PITPNM1: variants seen among roughly 807,000 people sequenced by gnomAD.
PITPNM1 encodes phosphatidylinositol transfer protein membrane associated 1.
PITPNM1 carries 74 observed loss-of-function variants against 133.3 expected under a neutral mutation model. The ratio of observed to expected loss-of-function variants is 0.56; its 90% CI spans 0.46 to 0.67. The LOEUF is 0.67. PITPNM1 is among the 30% of genes least tolerant of loss of function. PITPNM1 has a pLI of 0.00. For missense variants in PITPNM1, 1,398 were observed against 1,739.5 expected, an observed-to-expected ratio of 0.80 and a Z score of 3.49; for synonymous variants, 738 against 741.4, an observed-to-expected ratio of 1.00 and a Z score of 0.08.
At chr11:67,497,855 A>C in intron 12 of PITPNM1, 62 bp downstream of exon 12, 1 of 1,526,034 alleles carries the variant, frequency 6.6e-7, no homozygotes, top group South Asian at 1.1e-5. Context: ...TCCAGGGGGC[A>C]GAGACCTAGA....
rs767856294 is a variant in PITPNM1, at chr11:67,502,713, C to T, written c.84G>A (p.Lys28=). ...CCTCACCACTAGACTCCTCCCGGCT[C>T]TTTTTCTGTGGCCCAAGGGAGAGCA... ...QVAQLYMIQK[K]SREESSGEGS... is the part of the protein sequence containing the mutation. Residue 28 remains lysine, a synonymous_variant, in exon 3 of 24, where the codon AAG becomes AAA. Transcript: ENST00000356404. The surrounding 1 kb of genome is among the most constrained non-coding windows in gnomAD (Gnocchi z 5.9). 1.9e-5 allele frequency: 31 copies of T among 1,612,116 alleles called. No individual in the cohort carries two copies. The South Asian group carries it at 3.4e-4, about 18-fold the overall frequency.
At chr11:67,493,087 C>T (rs1275840860) in intron 22 of PITPNM1, 25 bp from the exon 23 acceptor site, 2 of 1,612,288 alleles carry the variant, frequency 1.2e-6, no homozygotes, top group Non-Finnish European at 1.7e-6. Flanking sequence ...GCCAATCAGC[C>T]GCCCCAGGGG....
In PITPNM1 at chr11:67,497,240, C is replaced by A; in HGVS notation, c.2137G>T (p.Ala713Ser). The part of the protein sequence containing the change: ...VLALRKTVMP[A>S]LEAAQMRPAC... ...AGCCCCTAGGACTCACCCTCCAGGG[C>A]GGGCATCACAGTTTTGCGCAGAGCC... is the stretch of plus-strand genomic sequence containing the variant. The change falls in exon 14 of 24, where the codon GCC becomes TCC. Residue 713 changes from alanine (A) to serine (S), a missense_variant. Physicochemically the swap from Ala to Ser is moderately conservative, Grantham distance 99 (BLOSUM62 1). Around this residue, in one of 5 missense-constraint regions of PITPNM1, gnomAD observed 574 missense variants for 698.7 expected, o/e 0.82. Transcript: ENST00000356404. 6.2e-7 allele frequency: 1 copy of A among 1,606,190 alleles called. No individual in the cohort carries two copies. Among genetic ancestry groups the A allele is most frequent in the Non-Finnish European group, 8.5e-7 (1 of 1,175,670 alleles).
At chr11:67,493,147 C>G (rs1865989891) in intron 22 of PITPNM1, 85 bp from the exon 23 acceptor site, 1 of 1,538,804 alleles carries the variant, frequency 6.5e-7, no homozygotes, top group African/African-American at 1.4e-5. Flanking sequence ...CCAGATTGTT[C>G]TGGGGGTGGG....
Position 67,501,919 on chromosome 11 carries a change from C to A in PITPNM1, c.583G>T (p.Val195Phe). 1 of 1,613,588 alleles carries A rather than the reference C, an allele frequency of 6.2e-7. No homozygotes were observed. Among genetic ancestry groups the A allele is most frequent in the Non-Finnish European group, 8.5e-7 (1 of 1,180,028 alleles). The change falls in exon 5 of 24, where the codon GTT becomes TTT. Residue 195 changes from valine (V) to phenylalanine (F), a missense_variant. Physicochemically the swap from Val to Phe is conservative, Grantham distance 50. Around this residue, in one of 5 missense-constraint regions of PITPNM1, gnomAD observed 274 missense variants for 360.7 expected, o/e 0.76. Transcript: ENST00000356404. ...TGCATGCCCCAGTAGCGGAACTCAA[C>A]CTTGCACAGCTTATAGGCACACATA... Reference protein sequence around the residue: ...PLMCAYKLCKVEFRYWGMQAK... With the variant: ...PLMCAYKLCKFEFRYWGMQAK...
In PITPNM1 at chr11:67,498,340, G is replaced by A. The variant is rs1378779070; in HGVS notation, c.1485-18C>T. 6.5e-7 allele frequency: 1 copy of A among 1,537,216 alleles called. No individual in the cohort carries two copies. On this transcript the variant is annotated intron_variant, in intron 10 of 23. Coordinates refer to ENST00000356404, the MANE Select transcript of PITPNM1 (RefSeq NM_004910.3). This position sits in a 1 kb window ranked among gnomAD's most constrained non-coding sequence, Gnocchi z 5.7. ...GGCTCAGGCTGTAGGAGGGGGAAAT[G>A]TGCGTGGGTGAGGGGCTTCCAGACC...
In PITPNM1 at chr11:67,494,358, G is replaced by C; in HGVS notation, c.2745C>G (p.Asn915Lys). ...CGCTCGCCCGGTGGTTGGAAGTGAC[G>C]TTCTAGAGGGAGGAGAGGGCGTGAG... ...QRKRTQVKIR[N>K]VTSNHRASDT... is the part of the protein sequence containing the mutation. Residue 915 changes from asparagine to lysine, a missense_variant and splice_region_variant, in exon 19 of 24, where the codon AAC (asparagine) becomes AAG (lysine). Physicochemically the swap from Asn to Lys is moderately conservative, Grantham distance 94. Around this residue, in one of 5 missense-constraint regions of PITPNM1, gnomAD observed 233 missense variants for 378.0 expected, o/e 0.62. Coordinates refer to ENST00000356404, the MANE Select transcript of PITPNM1 (RefSeq NM_004910.3). The C allele has an allele frequency of 6.3e-7, 1 of 1,598,152 alleles. No individual in the cohort carries two copies. The highest frequency in any genetic ancestry group is 8.5e-7 in the Non-Finnish European group (1 of 1,172,198).
At position 67,498,993 on chromosome 11, in the gene PITPNM1, C is replaced by CAGG; in HGVS notation, c.1179_1180insCCT (p.Gly393_Ala394insPro). ...TCCTCAATGCCTTTAGCTGCCTCGG[C>CAGG]TCCAGGCTCTGCAGGGCAACGAAGC... On this transcript the variant is annotated inframe_insertion, in exon 9 of 24. Coordinates refer to ENST00000356404, the MANE Select transcript of PITPNM1 (RefSeq NM_004910.3). The surrounding 1 kb of genome is among the most constrained non-coding windows in gnomAD (Gnocchi z 5.7). The CAGG allele has an allele frequency of 6.2e-7, 1 of 1,611,714 alleles. No individual in the cohort carries two copies. The highest frequency in any genetic ancestry group is 8.5e-7 in the Non-Finnish European group (1 of 1,179,236).
rs753871759 is a variant in PITPNM1, at chr11:67,492,238, T to C, written c.3530A>G (p.His1177Arg). Residue 1177 changes from histidine to arginine, a missense_variant, in exon 24 of 24, where the codon CAT (histidine) becomes CGT (arginine). His to Arg is a conservative substitution (Grantham distance 29). Transcript: ENST00000356404. ...LGQLEAGSHSHASSGPPRAAL... is the reference protein window; with the variant it reads ...LGQLEAGSHSRASSGPPRAAL... Reference sequence around the variant, plus strand: ...AGCTCTCGGGGGTCCCGAGGAGGCATGCGAGTGCGAGCCCGCTTCCAGCTG... The same window carrying C: ...AGCTCTCGGGGGTCCCGAGGAGGCACGCGAGTGCGAGCCCGCTTCCAGCTG... 2 of 1,599,404 alleles carry C rather than the reference T, an allele frequency of 1.3e-6. No individual in the cohort carries two copies. Among genetic ancestry groups the C allele is most frequent in the Admixed American group, 1.7e-5 (1 of 58,914 alleles).
chr11:67,495,420 C>T lies in PITPNM1; in HGVS notation c.2482+18G>A. 1 of 1,488,228 alleles carries T rather than the reference C, an allele frequency of 6.7e-7. No homozygotes were observed. Among genetic ancestry groups the T allele is most frequent in the Non-Finnish European group, 9.0e-7 (1 of 1,115,164 alleles). The allele number at this position is 1,488,228 out of a possible 1,614,324, so 92.2% of individuals were successfully genotyped here. A position where few individuals can be genotyped will look rare whatever the true frequency, so the allele number is the denominator to read the frequency against. On this transcript the variant is annotated intron_variant, in intron 16 of 23. Transcript: ENST00000356404. Reference sequence around the variant, plus strand: ...CTCCCCCACCCCCAGGCTGGACTGCCTAGGCTGGCTGACTTACTCTTAACC... The same window carrying T: ...CTCCCCCACCCCCAGGCTGGACTGCTTAGGCTGGCTGACTTACTCTTAACC...
Position 67,493,595 on chromosome 11 carries a change from T to G in PITPNM1, c.3159-2A>C. 1 of 1,547,516 alleles carries G rather than the reference T, an allele frequency of 6.5e-7. No homozygotes were observed. The highest frequency in any genetic ancestry group is 8.7e-7 in the Non-Finnish European group (1 of 1,144,704). On this transcript the variant is annotated splice_acceptor_variant, in intron 21 of 23. Coordinates refer to ENST00000356404, the MANE Select transcript of PITPNM1 (RefSeq NM_004910.3). LOFTEE classifies it high-confidence loss of function. Reference sequence around the variant, plus strand: ...AGGTAGCCGGAGTCCTGCCAGTGCCTGTGGGGCGGGGGCAGCGGTCAGCTC... The same window carrying G: ...AGGTAGCCGGAGTCCTGCCAGTGCCGGTGGGGCGGGGGCAGCGGTCAGCTC...
chr11:67,493,085 G>T (rs1865986481), intron 22 of PITPNM1, 23 bp from the exon 23 acceptor site: 1 of 1,612,330 alleles, frequency 6.2e-7, no homozygotes, highest in Non-Finnish European at 8.5e-7. Flanking sequence ...ATGCCAATCA[G>T]CCGCCCCAGG....
Position 67,497,914 on chromosome 11 carries a change from G to A in PITPNM1, c.1782+3C>T. The stretch of plus-strand genomic sequence containing the variant: ...TGAGGAGGCCGGGTTTGGCTATACT[G>A]ACCATGCTCCCACGGCGGCTGCTGC... On this transcript the variant is annotated splice_donor_region_variant and intron_variant, in intron 12 of 23. Transcript: ENST00000356404. The A allele has an allele frequency of 6.2e-7, 1 of 1,610,182 alleles. No individual in the cohort carries two copies. Among genetic ancestry groups the A allele is most frequent in the South Asian group, 1.1e-5 (1 of 91,018 alleles).
At position 67,492,017 on chromosome 11, in the gene PITPNM1, C is replaced by T. The variant is rs1366106524; in HGVS notation, c.*16G>A. ...GGTGTGTCAATAAATAACCCAGGTC[C>T]AGGCTGGTGTGGGCCTCACTCCTCG... On this transcript the variant is annotated 3_prime_UTR_variant, in exon 24 of 24. Coordinates refer to ENST00000356404, the MANE Select transcript of PITPNM1 (RefSeq NM_004910.3). 2.5e-6 allele frequency: 4 copies of T among 1,608,692 alleles called. No homozygotes were observed. Among genetic ancestry groups the T allele is most frequent in the Non-Finnish European group, 3.4e-6 (4 of 1,177,500 alleles).
Position 67,496,367 on chromosome 11 carries a change from A to G in PITPNM1, c.2147-19T>C. 6.4e-7 allele frequency: 1 copy of G among 1,563,438 alleles called. No homozygotes were observed. The highest frequency in any genetic ancestry group is 8.6e-7 in the Non-Finnish European group (1 of 1,164,704). ...TGGGCTGCTGGTACCCAGAAGACAG[A>G]GAAAGATTGTGGGGTCAGGGTTTCA... On this transcript the variant is annotated intron_variant, in intron 14 of 23. Transcript: ENST00000356404.
At chr11:67,495,294 T>A (rs2134282818) in intron 16 of PITPNM1, 69 bp from the exon 17 acceptor site, 3 of 1,502,088 alleles carry the variant, frequency 2.0e-6, no homozygotes, top group African/African-American at 1.4e-5. Flanking sequence ...CGCTGGGTGC[T>A]CTTCCCTCCC....
chr11:67,505,550 C>G (rs1443873557), upstream of PITPNM1, among the ~76,000 whole-genome samples: 1 of 152,228 alleles, frequency 6.6e-6, no homozygotes, highest in Admixed American at 6.5e-5. The surrounding 1 kb of genome is among the most constrained non-coding windows in gnomAD (Gnocchi z 5.8). Context: ...TCTGGCTCTT[C>G]CTAGTCCCTC....
rs763161556 is a variant in PITPNM1 at position 67,500,198 on chromosome 11, G to A, written c.864C>T (p.Pro288=). 9.4e-6 allele frequency: 15 copies of A among 1,602,988 alleles called. No individual in the cohort carries two copies. The highest frequency in any genetic ancestry group is 1.6e-4 in the Middle Eastern group (1 of 6,072). The change falls in exon 6 of 24, where the codon CCC becomes CCT. Residue 288 remains proline, a synonymous_variant. Coordinates refer to ENST00000356404, the MANE Select transcript of PITPNM1 (RefSeq NM_004910.3). ...GGCCTGGGGGGGCCTCAGGCCCATCGGGGGTGCCAGTGTTGCTGGCCGCAG... is the reference window on the plus strand; with the variant it reads ...GGCCTGGGGGGGCCTCAGGCCCATCAGGGGTGCCAGTGTTGCTGGCCGCAG... ...ARSAASNTGT[P]DGPEAPPGPD...
At chr11:67,500,465 C>A (rs984697961) in intron 5 of PITPNM1, 44 bp from the exon 6 acceptor site, 1 of 1,554,040 alleles carries the variant, frequency 6.4e-7, no homozygotes, top group Non-Finnish European at 8.7e-7. Context: ...CCCCTGCTTC[C>A]CTGCCACCGC....
Sources: allele counts gnomAD v4.1 joint callset (sites outside exome capture counted in the v4.1 genomes callset), GRCh38; gene constraint gnomAD v4.1.1; regional missense constraint gnomAD v4.1.1; non-coding constraint Gnocchi (gnomAD v3.1); transcripts MANE v1.5; gene names NCBI Gene and HGNC (gene_info 2026-07-23, HGNC 2026-07-21).